NHSL1: variants seen among roughly 807,000 people sequenced by gnomAD.
NHSL1 encodes the protein NHS-like protein 1.
A neutral mutation model predicts 95.0 loss-of-function variants in NHSL1; 48 were observed. That is an observed-to-expected ratio of 0.51 (90% confidence interval 0.40 to 0.64). The LOEUF is 0.64. Ranked by LOEUF, NHSL1 falls within the 30% of genes least tolerant of loss-of-function variation. The pLI, the probability that NHSL1 is intolerant of heterozygous loss-of-function variation, is 0.00. For missense variants in NHSL1, 1,971 were observed against 2,077.7 expected (o/e 0.95, Z 1.00); for synonymous variants, 783 against 833.9 (o/e 0.94, Z 1.05).
chr6:138,650,144 C>G (rs75413859), intron 1 of NHSL1: 33,784 of 541,118 alleles, frequency 0.062, 1,522 homozygotes, highest in Non-Finnish European at 0.084. Context: ...TTGGAGTCAT[C>G]TTGCAGGTAT....
upstream of NHSL1, among the ~76,000 whole-genome samples, chr6:138,574,748 A>T (rs1214729444): frequency 6.6e-6 from 1 of 151,756 alleles, no homozygotes; most frequent in Non-Finnish European, 1.5e-5. Flanking sequence ...GCTACTCAGG[A>T]GGCTGAGGTG....
chr6:138,530,858 T>C (rs958683554), intron 1 of NHSL1, among the ~76,000 whole-genome samples: 1 of 152,184 alleles, frequency 6.6e-6, no homozygotes, highest in Non-Finnish European at 1.5e-5. Flanking sequence ...GGGTAGGGTA[T>C]ACACTGCTCA....
intron 1 of NHSL1, among the ~76,000 whole-genome samples, chr6:138,589,824 C>T (rs1349084348): frequency 6.6e-6 from 1 of 152,122 alleles, no homozygotes; most frequent in Non-Finnish European, 1.5e-5. Flanking sequence ...CGGCACAGCC[C>T]CAGCCTCTGC....
At position 138,430,812 on chromosome 6, in the gene NHSL1, G is replaced by T; in HGVS notation, c.3533C>A (p.Pro1178His). ...AGAGTCTGGGAGTGGGGTGGTGCTG[G>T]GGCTGGGCCGAGCCTCTGCCTCCCC... is the stretch of plus-strand genomic sequence containing the variant. ...SAGEAEARPSPSTTPLPDSSP... is the reference protein window; with the variant it reads ...SAGEAEARPSHSTTPLPDSSP... The change falls in exon 6 of 8, where the codon CCC (proline) becomes CAC (histidine). Residue 1178 changes from proline (P) to histidine (H), a missense_variant. By Grantham distance (77) the Pro-to-His change is moderately conservative (BLOSUM62 -2). Coordinates refer to ENST00000343505, the MANE Select transcript of NHSL1 (RefSeq NM_001144060.2). This position sits in a 1 kb window ranked among gnomAD's most constrained non-coding sequence, Gnocchi z 4.7. 6.4e-7 allele frequency: 1 copy of T among 1,551,114 alleles called. No individual in the cohort carries two copies. Among genetic ancestry groups the T allele is most frequent in the Non-Finnish European group, 8.7e-7 (1 of 1,146,908 alleles).
intron 1 of NHSL1, among the ~76,000 whole-genome samples, chr6:138,507,483 G>A (rs991618393): frequency 3.9e-5 from 6 of 152,138 alleles, no homozygotes; most frequent in African/African-American, 1.2e-4. Context: ...GCTAGTTTTG[G>A]ATAAACAAGC....
At chr6:138,499,951 T>G (rs1242139778), upstream of NHSL1, among the ~76,000 whole-genome samples, 2 of 152,120 alleles carry the variant, frequency 1.3e-5, no homozygotes, top group Non-Finnish European at 2.9e-5. Context: ...GAGCTGCAAA[T>G]GATGACTTGG....
At chr6:138,517,996 T>C (rs1462192534) in intron 1 of NHSL1, among the ~76,000 whole-genome samples, 1 of 152,034 alleles carries the variant, frequency 6.6e-6, no homozygotes, top group Non-Finnish European at 1.5e-5. Flanking sequence ...GTTAGTTCTG[T>C]GGCTGGTTAG....
chr6:138,670,012 T>G (rs1032855923), intron 1 of NHSL1, among the ~76,000 whole-genome samples: 3 of 152,060 alleles, frequency 2.0e-5, no homozygotes, highest in African/African-American at 7.2e-5. Flanking sequence ...TCCCAGCTAC[T>G]TGGGAGACTG....
chr6:138,466,565 A>G (rs976455643), intron 3 of NHSL1, among the ~76,000 whole-genome samples: 1 of 152,210 alleles, frequency 6.6e-6, no homozygotes, highest in African/African-American at 2.4e-5. Flanking sequence ...CCACTTTCTA[A>G]CAGAGCAAAA....
intron 1 of NHSL1, among the ~76,000 whole-genome samples, chr6:138,602,595 A>C (rs1448769903): frequency 6.6e-6 from 1 of 152,078 alleles, no homozygotes; most frequent in African/African-American, 2.4e-5. Context: ...TGCCCATCTC[A>C]ACTTCCCAAA....
chr6:138,596,622 G>A (rs1784305480), intron 1 of NHSL1, among the ~76,000 whole-genome samples: 1 of 152,156 alleles, frequency 6.6e-6, no homozygotes, highest in Non-Finnish European at 1.5e-5. Flanking sequence ...AGGTAGCCAA[G>A]GTTCTTGAAA....
At chr6:138,629,742 T>C (rs1478871639) in intron 1 of NHSL1, among the ~76,000 whole-genome samples, 1 of 152,244 alleles carries the variant, frequency 6.6e-6, no homozygotes, top group Non-Finnish European at 1.5e-5. Context: ...GATTTAGTTG[T>C]TGTGGCAATT....
chr6:138,466,004 G>A (rs924286633), intron 3 of NHSL1, among the ~76,000 whole-genome samples: 8 of 149,070 alleles, frequency 5.4e-5, no homozygotes, highest in East Asian at 2.0e-4. Context: ...GATTACAGGC[G>A]TGTGCCACTG....
At chr6:138,600,201 C>T (rs767939769) in intron 1 of NHSL1, among the ~76,000 whole-genome samples, 5 of 152,042 alleles carry the variant, frequency 3.3e-5, no homozygotes, top group Non-Finnish European at 7.4e-5. Flanking sequence ...ATTTTAAGGT[C>T]CACTCAGTGC....
chr6:138,604,778 A>T (rs1017501147), intron 1 of NHSL1, among the ~76,000 whole-genome samples: 6 of 152,040 alleles, frequency 3.9e-5, no homozygotes, highest in Admixed American at 3.9e-4. Flanking sequence ...GGCATGTGCC[A>T]CCAAGCCTGG....
At chr6:138,651,009 C>A in intron 1 of NHSL1, 1 of 449,304 alleles carries the variant, frequency 2.2e-6, no homozygotes, top group South Asian at 1.7e-5. Context: ...TTAATTAAAG[C>A]AAGTTCGATC....
intron 3 of NHSL1, chr6:138,464,407 A>G: frequency 2.7e-6 from 1 of 374,624 alleles, no homozygotes; most frequent in South Asian, 3.5e-5. Context: ...AGGTCAGGGC[A>G]GGAAGGCCGA....
intron 1 of NHSL1, among the ~76,000 whole-genome samples, chr6:138,525,509 C>T (rs893925920): frequency 4.0e-5 from 6 of 148,796 alleles, no homozygotes; most frequent in Admixed American, 1.4e-4. Context: ...GCCTGAACAA[C>T]GAAGTGAGAC....
chr6:138,448,998 G>C (rs1293338819), intron 3 of NHSL1, among the ~76,000 whole-genome samples: 1 of 148,586 alleles, frequency 6.7e-6, no homozygotes, highest in Non-Finnish European at 1.5e-5. Context: ...GTTGCAGTGA[G>C]CCGAGATCGC....
Sources: gnomAD v4.1 joint callset for allele counts (sites outside exome capture counted in the v4.1 genomes callset) on GRCh38, gnomAD v4.1.1 for gene constraint, Gnocchi (gnomAD v3.1) non-coding constraint, MANE v1.5 for transcripts, NCBI Gene and HGNC (gene_info 2026-07-23, HGNC 2026-07-21) for gene names.